NXPH2: variants seen among roughly 807,000 people sequenced by gnomAD.
NXPH2 encodes neurexophilin-2.
A neutral mutation model predicts 19.8 loss-of-function variants in NXPH2; 5 were observed. That is an observed-to-expected ratio of 0.25 (90% CI 0.13 to 0.53). The LOEUF (loss-of-function observed/expected upper bound fraction) is 0.53. NXPH2 is among the 20% of genes least tolerant of loss of function. The pLI is 0.96. For missense variants in NXPH2, 289 were observed against 322.8 expected, an observed-to-expected ratio of 0.90 and a Z score of 0.80; for synonymous variants, 154 against 127.4, an observed-to-expected ratio of 1.21 and a Z score of -1.41.
At chr2:138,701,375 C>A (rs62163196) in intron 1 of NXPH2, among the ~76,000 whole-genome samples, 1,637 of 151,950 alleles carry the variant, frequency 0.011, 28 homozygotes, top group African/African-American at 0.037. Context: ...AAAAACAGAG[C>A]GGGTTTTAGA....
chr2:138,706,669 T>C (rs13012005), intron 1 of NXPH2, among the ~76,000 whole-genome samples: 76,347 of 152,020 alleles, frequency 0.5, 21,339 homozygotes, highest in South Asian at 0.75. Flanking sequence ...CCCAGCACTT[T>C]TGGAGGCCAA....
intron 1 of NXPH2, among the ~76,000 whole-genome samples, chr2:138,774,529 CCT>C (rs1308959933): frequency 5.3e-5 from 8 of 152,100 alleles, no homozygotes; most frequent in African/African-American, 1.9e-4. Context: ...ATTCAGAACC[CCT>C]GTTACAACAT....
At chr2:138,736,181 A>T (rs192699766) in intron 1 of NXPH2, among the ~76,000 whole-genome samples, 4 of 152,292 alleles carry the variant, frequency 2.6e-5, no homozygotes, top group Non-Finnish European at 5.9e-5. Flanking sequence ...ACTAGGTGGT[A>T]TCCCAGTTGG....
intron 1 of NXPH2, among the ~76,000 whole-genome samples, chr2:138,699,112 T>C (rs934753003): frequency 1.3e-5 from 2 of 152,182 alleles, no homozygotes; most frequent in Non-Finnish European, 2.9e-5. Context: ...AACATATATA[T>C]ACACATACAC....
At chr2:138,710,357 G>A (rs1470201850) in intron 1 of NXPH2, among the ~76,000 whole-genome samples, 2 of 152,170 alleles carry the variant, frequency 1.3e-5, no homozygotes, top group Non-Finnish European at 2.9e-5. Context: ...TGTGAATAAT[G>A]CTGTAATGAA....
chr2:138,712,507 C>A (rs1206896737), intron 1 of NXPH2, among the ~76,000 whole-genome samples: 1 of 152,118 alleles, frequency 6.6e-6, no homozygotes, highest in Non-Finnish European at 1.5e-5. Flanking sequence ...ACAACATTGC[C>A]CCCCACCCTG....
Position 138,671,341 on chromosome 2 carries a change from G to C in NXPH2, c.376C>G (p.Leu126Val). The part of the protein sequence containing the change: ...DFHSNIKTVK[L>V]NLLITGKIVD... ...ATTTTCCCTGTGATGAGGAGATTGA[G>C]TTTGACAGTTTTAATGTTGGAATGA... The change falls in exon 2 of 2, where the codon CTC becomes GTC. Residue 126 changes from leucine (L) to valine (V), a missense_variant. By Grantham distance (32) the Leu-to-Val change is conservative. Coordinates refer to ENST00000272641, the MANE Select transcript of NXPH2 (RefSeq NM_007226.3). 2 of 1,613,866 alleles carry C rather than the reference G, an allele frequency of 1.2e-6. No individual in the cohort carries two copies. Among genetic ancestry groups the C allele is most frequent in the Non-Finnish European group, 1.7e-6 (2 of 1,179,810 alleles).
chr2:138,741,932 T>C (rs145168613), intron 1 of NXPH2, among the ~76,000 whole-genome samples: 1 of 152,348 alleles, frequency 6.6e-6, no homozygotes, highest in African/African-American at 2.4e-5. Context: ...CAAAATGCAC[T>C]ATTGCTAATT....
intron 1 of NXPH2, among the ~76,000 whole-genome samples, chr2:138,728,425 G>A (rs992567637): frequency 1.3e-5 from 2 of 152,172 alleles, no homozygotes; most frequent in African/African-American, 4.8e-5. Context: ...CTAAAACTGA[G>A]TTTTCCATCT....
chr2:138,705,942 C>T lies in NXPH2; in HGVS notation c.52-34277G>A, dbSNP rs895808166. ...TGGTGACTTCACTCTGATTGTGATC[C>T]TGTTCCTTCATATTCCCCATAAAAA... On this transcript the variant is annotated intron_variant, in intron 1 of 1. Coordinates refer to ENST00000272641, the MANE Select transcript of NXPH2 (RefSeq NM_007226.3). 2.0e-5 allele frequency among the ~76,000 whole-genome samples: 3 copies of T among 152,202 alleles called. No individual in the cohort carries two copies. The East Asian group carries it at 5.8e-4, about 29-fold the overall frequency.
chr2:138,768,608 A>G (rs1682127798), intron 1 of NXPH2, among the ~76,000 whole-genome samples: 1 of 152,184 alleles, frequency 6.6e-6, no homozygotes, highest in South Asian at 2.1e-4. Flanking sequence ...CTGACACACA[A>G]ACCCTGGATT....
At chr2:138,738,929 T>C (rs916910372) in intron 1 of NXPH2, among the ~76,000 whole-genome samples, 1 of 152,186 alleles carries the variant, frequency 6.6e-6, no homozygotes, top group Non-Finnish European at 1.5e-5. Context: ...ACAGACTCAA[T>C]AGACGGCACA....
chr2:138,757,811 CTTTATCTA>C (rs1681937542), intron 1 of NXPH2, among the ~76,000 whole-genome samples: 1 of 123,758 alleles, frequency 8.1e-6, no homozygotes, highest in South Asian at 2.9e-4. Flanking sequence ...GTGTGTGTTT[CTTTATCTA>C]TCTATCTATC....
intron 1 of NXPH2, among the ~76,000 whole-genome samples, chr2:138,687,627 T>C (rs1680681372): frequency 6.6e-6 from 1 of 152,208 alleles, no homozygotes; most frequent in East Asian, 1.9e-4. Context: ...TCCTTGCCCA[T>C]GCCTAGAAAA....
chr2:138,778,812 A>C lies in NXPH2; in HGVS notation c.51+1379T>G, dbSNP rs76663641. On this transcript the variant is annotated intron_variant, in intron 1 of 1. Transcript: ENST00000272641. ...TGCCTAAGATGTAAAATGTATTTTA[A>C]CATGGAGTATTGTAGATAGCCAGTA... Among the ~76,000 whole-genome samples the C allele has an allele frequency of 4.2e-3, 635 of 152,348 alleles. 2 individuals are homozygous for C. The highest frequency in any genetic ancestry group is 0.014 in the African/African-American group (591 of 41,580).
intron 1 of NXPH2, among the ~76,000 whole-genome samples, chr2:138,705,552 A>C (rs1229131070): frequency 6.6e-6 from 1 of 152,200 alleles, no homozygotes; most frequent in African/African-American, 2.4e-5. Context: ...ATTTGAGGGA[A>C]GTTCCCATTA....
intron 1 of NXPH2, among the ~76,000 whole-genome samples, chr2:138,709,807 G>A (rs1681069506): frequency 2.0e-5 from 3 of 152,016 alleles, no homozygotes; most frequent in Admixed American, 2.0e-4. Context: ...ACTTAGTATT[G>A]TACATTTAAA....
chr2:138,726,556 A>G (rs550933466), intron 1 of NXPH2, among the ~76,000 whole-genome samples: 1 of 131,874 alleles, frequency 7.6e-6, no homozygotes, highest in African/African-American at 2.7e-5. Flanking sequence ...ACACACACAC[A>G]CACCCTCCAA....
At chr2:138,731,865 C>T (rs1043408562) in intron 1 of NXPH2, among the ~76,000 whole-genome samples, 14 of 152,116 alleles carry the variant, frequency 9.2e-5, no homozygotes, top group Non-Finnish European at 1.8e-4. Flanking sequence ...TGAAATAATA[C>T]GTTTTGGGCC....
Sources: allele counts gnomAD v4.1 joint callset (sites outside exome capture counted in the v4.1 genomes callset), GRCh38; gene constraint gnomAD v4.1.1; transcripts MANE v1.5; gene names NCBI Gene and HGNC (gene_info 2026-07-23, HGNC 2026-07-21).